Variants in AP3S2 observed in about 807,000 individuals in gnomAD.
AP3S2 encodes the protein adaptor related protein complex 3 subunit sigma 2.
Under a neutral mutation model 23.4 loss-of-function variants are expected in AP3S2, and 22 were observed. That is an observed-to-expected ratio of 0.94 (90% CI 0.67 to 1.34). The LOEUF is 1.34. Ranked by LOEUF, AP3S2 falls within the 40% of genes most tolerant of loss-of-function variation. The pLI, the probability that AP3S2 is intolerant of heterozygous loss-of-function variation, is 0.00. For missense variants in AP3S2, 241 were observed against 236.9 expected (o/e 1.02, Z -0.11); for synonymous variants, 86 against 87.1 (o/e 0.99, Z 0.07).
In AP3S2 at chr15:89,856,595, G is replaced by GC. The variant is rs1895843582; in HGVS notation, c.345+14879_345+14880insG. ...TGCGCACCTGTAATCCCAGCTACTC[G>GC]GAAGGCTGAGGCAGGAGAATTGCTT... On this transcript the variant is annotated intron_variant, in intron 4 of 5. Coordinates refer to ENST00000336418, the MANE Select transcript of AP3S2 (RefSeq NM_005829.5). Among the ~76,000 whole-genome samples the GC allele has an allele frequency of 1.3e-5, 2 of 150,412 alleles. 1 individual carries two copies. The highest frequency in any genetic ancestry group is 4.2e-4 in the South Asian group (2 of 4,748).
chr15:89,859,762 CTT>C (rs34836617), intron 4 of AP3S2, among the ~76,000 whole-genome samples: 2 of 117,302 alleles, frequency 1.7e-5, no homozygotes. Flanking sequence ...TATTGCTGAT[CTT>C]TTTTTTTTTT....
At position 89,835,577 on chromosome 15, in the gene AP3S2, G is replaced by C; in HGVS notation, c.520C>G (p.Pro174Ala). 6.2e-7 allele frequency: 1 copy of C among 1,613,896 alleles called. No homozygotes were observed. The highest frequency in any genetic ancestry group is 8.5e-7 in the Non-Finnish European group (1 of 1,180,010). Residue 174 changes from proline (P) to alanine (A), a missense_variant, in exon 6 of 6, where the codon CCT (proline) becomes GCT (alanine). Pro to Ala is a conservative substitution (Grantham distance 27). Coordinates refer to ENST00000336418, the MANE Select transcript of AP3S2 (RefSeq NM_005829.5). ...AGATCGCCAATGTTGATGTTCCGAG[G>C]AATCTCTGGCAGGTTGATGTTTTTC... ...AVKNINLPEI[P>A]RNINIGDLNI...
intron 4 of AP3S2, among the ~76,000 whole-genome samples, chr15:89,867,038 C>G (rs1387701797): frequency 7.5e-6 from 1 of 132,758 alleles, no homozygotes; most frequent in African/African-American, 2.8e-5. Flanking sequence ...CTCCCTCTCC[C>G]TCTCCCTCTC....
At chr15:89,871,973 GCGACA>G (rs2141882016) in intron 3 of AP3S2, among the ~76,000 whole-genome samples, 1 of 151,978 alleles carries the variant, frequency 6.6e-6, no homozygotes, top group South Asian at 2.1e-4. Flanking sequence ...TCTGGGTGTG[GCGACA>G]CGAGCCTGTT....
At chr15:89,893,773 G>T in intron 1 of AP3S2, 108 bp downstream of exon 1, 1 of 1,098,582 alleles carries the variant, frequency 9.1e-7, no homozygotes, top group Non-Finnish European at 1.3e-6. Context: ...CTCGGTGCAG[G>T]AGCCCCAGGT....
chr15:89,864,930 C>T (rs1407917020), intron 4 of AP3S2, among the ~76,000 whole-genome samples: 1 of 152,036 alleles, frequency 6.6e-6, no homozygotes, highest in East Asian at 1.9e-4. Flanking sequence ...GAGAGGACCT[C>T]CTAATAGGCA....
intron 4 of AP3S2, among the ~76,000 whole-genome samples, chr15:89,859,860 T>C (rs1327907070): frequency 6.7e-6 from 1 of 149,512 alleles, no homozygotes. Flanking sequence ...GCCTCCAGGG[T>C]TCATGCCATT....
intron 4 of AP3S2, among the ~76,000 whole-genome samples, chr15:89,868,049 C>T (rs1896190880): frequency 7.5e-6 from 1 of 133,072 alleles, no homozygotes; most frequent in African/African-American, 2.8e-5. Context: ...CGCCTCTGCC[C>T]GGCCGCCCCT....
In AP3S2 at chr15:89,833,208, T is replaced by A. The variant is rs1895117612; in HGVS notation, c.*2307A>T. On this transcript the variant is annotated 3_prime_UTR_variant, in exon 6 of 6. Coordinates refer to ENST00000336418, the MANE Select transcript of AP3S2 (RefSeq NM_005829.5). The stretch of plus-strand genomic sequence containing the variant: ...CTTGGGCTTCGGCTTCAACATCAGT[T>A]AAATGGAGGGACACAGACGACTCTT... 6.6e-6 allele frequency: 1 copy of A among 152,202 alleles called. No homozygotes were observed. Among genetic ancestry groups the A allele is most frequent in the Non-Finnish European group, 1.5e-5 (1 of 68,030 alleles). 9.4% of individuals were successfully genotyped at this position (152,202 alleles called of 1,614,324 possible).
intron 1 of AP3S2, 30 bp from the exon 2 acceptor site, chr15:89,889,170 G>A (rs367986472): frequency 2.0e-5 from 33 of 1,613,162 alleles, no homozygotes; most frequent in Admixed American, 3.3e-5. Flanking sequence ...GTGAATCAGT[G>A]GGCAAGCCTG....
At chr15:89,835,683 C>T in intron 5 of AP3S2, 40 bp from the exon 6 acceptor site, 1 of 1,087,342 alleles carries the variant, frequency 9.2e-7, no homozygotes, top group South Asian at 1.4e-5. Flanking sequence ...CAAATTCTCA[C>T]TGTTATCTGC....
chr15:89,853,139 A>C (rs1895701096), intron 4 of AP3S2, among the ~76,000 whole-genome samples: 1 of 152,236 alleles, frequency 6.6e-6, no homozygotes, highest in Admixed American at 6.5e-5. Context: ...CTTCTCCTTA[A>C]GAATCACTGC....
chr15:89,867,728 T>G (rs1896173782), intron 4 of AP3S2, among the ~76,000 whole-genome samples: 1 of 131,542 alleles, frequency 7.6e-6, no homozygotes, highest in Non-Finnish European at 1.6e-5. Context: ...GTAAGGAGCG[T>G]CTCTGCCCGG....
chr15:89,842,453 G>A (rs1321273983), intron 4 of AP3S2, among the ~76,000 whole-genome samples: 1 of 152,152 alleles, frequency 6.6e-6, no homozygotes, highest in Non-Finnish European at 1.5e-5. Flanking sequence ...TACACCTTTA[G>A]GTAAGGTTTC....
At chr15:89,862,437 A>G (rs541903899) in intron 4 of AP3S2, among the ~76,000 whole-genome samples, 2 of 152,346 alleles carry the variant, frequency 1.3e-5, no homozygotes, top group South Asian at 4.1e-4. Flanking sequence ...ATTTATTGAC[A>G]TATTTAGGGA....
At chr15:89,873,870 C>T in intron 3 of AP3S2, among the ~76,000 whole-genome samples, 2 of 131,964 alleles carry the variant, frequency 1.5e-5, no homozygotes, top group African/African-American at 5.6e-5. Flanking sequence ...TCTTATTTCT[C>T]TGTGGCTTTT....
At chr15:89,869,579 A>AG (rs1256783573) in intron 4 of AP3S2, among the ~76,000 whole-genome samples, 1 of 150,804 alleles carries the variant, frequency 6.6e-6, no homozygotes, top group Non-Finnish European at 1.5e-5. Flanking sequence ...AAAAAAAAAA[A>AG]AAAAAAAGAA....
Position 89,893,952 on chromosome 15 carries a change from T to A in AP3S2, c.-3A>T, listed in dbSNP as rs1378360708. 6.4e-7 allele frequency: 1 copy of A among 1,551,472 alleles called. No individual in the cohort carries two copies. The highest frequency in any genetic ancestry group is 2.0e-5 in the Admixed American group (1 of 51,006). Reference sequence around the variant, plus strand: ...AAAACCAGAATCGCCTGAATCATCTTTGCCAGCCACGGTTCTCTCAGCACC... The same window carrying A: ...AAAACCAGAATCGCCTGAATCATCTATGCCAGCCACGGTTCTCTCAGCACC... On this transcript the variant is annotated 5_prime_UTR_variant, in exon 1 of 6. Coordinates refer to ENST00000336418, the MANE Select transcript of AP3S2 (RefSeq NM_005829.5).
At chr15:89,839,622 A>G (rs1407861939) in intron 4 of AP3S2, among the ~76,000 whole-genome samples, 2 of 152,208 alleles carry the variant, frequency 1.3e-5, no homozygotes, top group Non-Finnish European at 2.9e-5. Flanking sequence ...AAAAGATTAA[A>G]AACAGAATTA....
Sources: gnomAD v4.1 joint callset for allele counts (sites outside exome capture counted in the v4.1 genomes callset) on GRCh38, gnomAD v4.1.1 for gene constraint, MANE v1.5 for transcripts, NCBI Gene and HGNC (gene_info 2026-07-23, HGNC 2026-07-21) for gene names.